PRDM16: variants seen among roughly 807,000 people sequenced by gnomAD.
PRDM16 encodes the protein PR/SET domain 16.
A neutral mutation model predicts 110.6 loss-of-function variants in PRDM16; 23 were observed. The observed-to-expected ratio is 0.21, with a 90% CI of 0.15 to 0.29. The LOEUF is 0.29. Among genes scored for constraint, PRDM16 ranks in the 10% least tolerant of loss-of-function variants. The probability of loss-of-function intolerance (pLI) is 1.00; values close to 1 mark genes in which losing one functional copy is unlikely to be tolerated. For synonymous variants in PRDM16, 799 were observed against 781.8 expected (o/e 1.02, Z -0.37); for missense variants, 1,615 against 1,794.3 (o/e 0.90, Z 1.81).
In PRDM16 at chr1:3,433,041, T is replaced by A. The variant is rs1638809869; in HGVS notation, c.3697-636T>A. On this transcript the variant is annotated intron_variant, in intron 16 of 16. Coordinates refer to ENST00000270722, the MANE Select transcript of PRDM16 (RefSeq NM_022114.4). ...AGACATCCCCTGGCAGGGGTGGCTC[T>A]TGTTGACCCCCAGTTCCCAGGGCCG... Among the ~76,000 whole-genome samples the A allele has an allele frequency of 3.3e-5, 5 of 152,346 alleles. No homozygotes were observed. The South Asian group carries it at 1.0e-3, about 32-fold the overall frequency.
At chr1:3,159,697 T>G (rs1195966055) in intron 1 of PRDM16, among the ~76,000 whole-genome samples, 1 of 152,182 alleles carries the variant, frequency 6.6e-6, no homozygotes, top group East Asian at 1.9e-4. Context: ...GAAGTTGAGT[T>G]GGAGTCCAGG....
chr1:3,186,356 C>G lies in PRDM16; in HGVS notation c.269C>G (p.Ser90Cys). 1 of 1,612,226 alleles carries G rather than the reference C, an allele frequency of 6.2e-7. No individual in the cohort carries two copies. Among genetic ancestry groups the G allele is most frequent in the Non-Finnish European group, 8.5e-7 (1 of 1,179,674 alleles). ...GCAGACTTCGAGCTCCGAGAGTCCT[C>G]CATCCCAGGGGCTGGCCTGGGGGTC... is the stretch of plus-strand genomic sequence containing the variant. ...IPADFELRES[S>C]IPGAGLGVWA... The change falls in exon 2 of 17, where the codon TCC (serine) becomes TGC (cysteine). Residue 90 changes from serine (S) to cysteine (C), a missense_variant. By Grantham distance (112) the Ser-to-Cys change is moderately radical. Around this residue, in one of 5 missense-constraint regions of PRDM16, gnomAD observed 416 missense variants for 467.1 expected, o/e 0.89. Coordinates refer to ENST00000270722, the MANE Select transcript of PRDM16 (RefSeq NM_022114.4).
At chr1:3,181,347 CGGTCTT>C (rs1644174354) in intron 1 of PRDM16, among the ~76,000 whole-genome samples, 3 of 107,074 alleles carry the variant, frequency 2.8e-5, no homozygotes, top group African/African-American at 4.0e-5. Context: ...GTCTTACACA[CGGTCTT>C]ACACACGGTC....
intron 4 of PRDM16, among the ~76,000 whole-genome samples, chr1:3,389,961 C>G (rs1368141168): frequency 9.5e-6 from 1 of 105,744 alleles, no homozygotes; most frequent in Non-Finnish European, 2.2e-5. Flanking sequence ...CCCCCCCCCC[C>G]CCCCACCCTC....
At chr1:3,127,308 A>G (rs573976669) in intron 1 of PRDM16, among the ~76,000 whole-genome samples, 1 of 152,356 alleles carries the variant, frequency 6.6e-6, no homozygotes, top group African/African-American at 2.4e-5. Context: ...AGGCTTTGCC[A>G]AAAGCTGATA....
At chr1:3,413,012 G>A (rs577002729) in intron 9 of PRDM16, among the ~76,000 whole-genome samples, 5 of 152,262 alleles carry the variant, frequency 3.3e-5, no homozygotes, top group South Asian at 2.1e-4. Context: ...TGCCTGGCCC[G>A]GGCCGTGTTT....
chr1:3,294,846 T>C (rs942868443), intron 3 of PRDM16, among the ~76,000 whole-genome samples: 1 of 152,204 alleles, frequency 6.6e-6, no homozygotes, highest in African/African-American at 2.4e-5. Context: ...TTTTCCCTTT[T>C]CTCTGATCAC....
intron 3 of PRDM16, among the ~76,000 whole-genome samples, chr1:3,273,955 C>T (rs542933647): frequency 2.4e-5 from 3 of 126,858 alleles, no homozygotes; most frequent in East Asian, 4.4e-4. Context: ...GTTCTCTCAC[C>T]GTGGACTTGG....
intron 4 of PRDM16, among the ~76,000 whole-genome samples, chr1:3,389,587 G>A (rs1250745615): frequency 2.0e-5 from 3 of 152,216 alleles, no homozygotes; most frequent in African/African-American, 7.2e-5. Context: ...GCCACATTGG[G>A]CCATGAATTT....
chr1:3,242,752 G>T (rs1394480217), intron 2 of PRDM16, among the ~76,000 whole-genome samples: 2 of 152,254 alleles, frequency 1.3e-5, no homozygotes, highest in Non-Finnish European at 2.9e-5. Flanking sequence ...CCGTCCTTAG[G>T]ATTTGTAAAG....
intron 2 of PRDM16, among the ~76,000 whole-genome samples, chr1:3,240,990 C>G (rs1460489816): frequency 1.3e-5 from 2 of 152,186 alleles, no homozygotes; most frequent in Admixed American, 1.3e-4. Context: ...TGCCAGCAAT[C>G]GAGGAGCCAG....
At chr1:3,273,819 T>A (rs71503056) in intron 3 of PRDM16, among the ~76,000 whole-genome samples, 59 of 64,408 alleles carry the variant, frequency 9.2e-4, no homozygotes, top group African/African-American at 3.9e-3. Flanking sequence ...GGCATGTAAG[T>A]GTGTGTGTGT....
intron 3 of PRDM16, among the ~76,000 whole-genome samples, chr1:3,341,504 G>A (rs996952402): frequency 1.2e-4 from 18 of 152,154 alleles, no homozygotes; most frequent in African/African-American, 3.4e-4. Flanking sequence ...CCTGGCTAGC[G>A]AGACCCGCCG....
intron 4 of PRDM16, among the ~76,000 whole-genome samples, chr1:3,395,045 T>G (rs1477625862): frequency 6.6e-6 from 1 of 152,232 alleles, no homozygotes; most frequent in Non-Finnish European, 1.5e-5. Flanking sequence ...TTCGTGCAGT[T>G]CCTGTCTGGG....
rs1375740538 is a variant in PRDM16, at chr1:3,081,299, CTG to C, written c.37+12006_37+12007del. Reference sequence around the variant, plus strand: ...TGCTGGCACCTGATAAGGGGTCATTCTGTGCTCTTTCCAGAGGGTTTTAGGTT... The same window carrying C: ...TGCTGGCACCTGATAAGGGGTCATTCTGCTCTTTCCAGAGGGTTTTAGGTT... On this transcript the variant is annotated intron_variant, in intron 1 of 16. Transcript: ENST00000270722. The surrounding 1 kb of genome is among the most constrained non-coding windows in gnomAD (Gnocchi z 4.6). Among the ~76,000 whole-genome samples, 3 of 152,204 alleles carry C rather than the reference CTG, an allele frequency of 2.0e-5. No individual in the cohort carries two copies. Among genetic ancestry groups the C allele is most frequent in the African/African-American group, 7.2e-5 (3 of 41,452 alleles).
At chr1:3,279,412 C>T (rs960941274) in intron 3 of PRDM16, among the ~76,000 whole-genome samples, 1 of 152,242 alleles carries the variant, frequency 6.6e-6, no homozygotes, top group Non-Finnish European at 1.5e-5. Flanking sequence ...GTCAGCCGCT[C>T]CGGGCGAGGG....
chr1:3,301,630 C>G (rs1385157397), intron 3 of PRDM16, among the ~76,000 whole-genome samples: 1 of 152,042 alleles, frequency 6.6e-6, no homozygotes, highest in Admixed American at 6.5e-5. Context: ...GTCCAGGGCT[C>G]GAAAAACGTC....
At chr1:3,170,155 C>T (rs1472063990) in intron 1 of PRDM16, among the ~76,000 whole-genome samples, 3 of 152,348 alleles carry the variant, frequency 2.0e-5, no homozygotes, top group South Asian at 2.1e-4. Context: ...TTCTTGATTC[C>T]GTGGTTAAAA....
rs116892080 is a variant in PRDM16 at position 3,259,593 on chromosome 1, A to T, written c.438+15456A>T. On this transcript the variant is annotated intron_variant, in intron 3 of 16. Coordinates refer to ENST00000270722, the MANE Select transcript of PRDM16 (RefSeq NM_022114.4). ...GTAAGCGGCAAATCAGGCCCCCCCA[A>T]GAAAGCCCTGAAACCCAGACCAACT... is the stretch of plus-strand genomic sequence containing the variant. 1.2e-3 allele frequency among the ~76,000 whole-genome samples: 176 copies of T among 152,322 alleles called. 1 individual carries two copies. The East Asian group carries it at 0.028, about 24-fold the overall frequency.
Sources: gnomAD v4.1 joint callset for allele counts (sites outside exome capture counted in the v4.1 genomes callset) on GRCh38, gnomAD v4.1.1 for gene constraint, gnomAD v4.1.1 regional missense constraint, Gnocchi (gnomAD v3.1) non-coding constraint, MANE v1.5 for transcripts, NCBI Gene and HGNC (gene_info 2026-07-23, HGNC 2026-07-21) for gene names.